RNF146: variants seen among roughly 807,000 people sequenced by gnomAD.
RNF146 encodes the protein E3 ubiquitin-protein ligase RNF146.
Under a neutral mutation model 29.7 loss-of-function variants are expected in RNF146, and 11 were observed. The observed-to-expected ratio is 0.37, with a 90% CI of 0.23 to 0.61. The LOEUF (loss-of-function observed/expected upper bound fraction) is 0.61, where lower values mean the gene tolerates loss of function less well. RNF146 is among the 20% of genes least tolerant of loss of function. The probability of loss-of-function intolerance (pLI) is 0.66; values close to 1 mark genes in which losing one functional copy is unlikely to be tolerated. For synonymous variants in RNF146, 150 were observed against 159.7 expected (o/e 0.94, Z 0.46); for missense variants, 342 against 438.9 (o/e 0.78, Z 1.97).
intron 2 of RNF146, among the ~76,000 whole-genome samples, chr6:127,284,351 A>C (rs551263290): frequency 2.6e-5 from 4 of 151,858 alleles, no homozygotes; most frequent in Admixed American, 2.6e-4. Context: ...TTGTTTTTCC[A>C]AAGTAATGGT....
intron 2 of RNF146, chr6:127,285,906 TCA>T (rs1779455736): frequency 4.2e-6 from 2 of 472,486 alleles, no homozygotes; most frequent in Non-Finnish European, 6.7e-6. Context: ...TTTAGACCCA[TCA>T]GTACTTAGTA....
chr6:127,274,906 C>G (rs1156974534), intron 1 of RNF146, among the ~76,000 whole-genome samples: 1 of 152,020 alleles, frequency 6.6e-6, no homozygotes, highest in African/African-American at 2.4e-5. Context: ...CACTGGACTC[C>G]TGCCTGGTTA....
At chr6:127,279,555 ATTGT>A (rs35268158) in intron 1 of RNF146, among the ~76,000 whole-genome samples, 25,583 of 151,590 alleles carry the variant, frequency 0.17, 2,297 homozygotes, top group Non-Finnish European at 0.18. Context: ...ATTTTTCAAG[ATTGT>A]TTGGGTTACT....
chr6:127,274,557 A>C (rs1490219329), intron 1 of RNF146, among the ~76,000 whole-genome samples: 1 of 152,210 alleles, frequency 6.6e-6, no homozygotes, highest in Non-Finnish European at 1.5e-5. Context: ...CCTTCTACAC[A>C]TCTCAATTAT....
chr6:127,282,706 A>G (rs1779061925), intron 2 of RNF146, among the ~76,000 whole-genome samples: 1 of 151,670 alleles, frequency 6.6e-6, no homozygotes, highest in Non-Finnish European at 1.5e-5. Flanking sequence ...CTCCTCCTGC[A>G]TTACCAAACT....
intron 1 of RNF146, 47 bp from the exon 2 acceptor site, chr6:127,280,184 A>G: frequency 1.4e-6 from 1 of 708,782 alleles, no homozygotes. Context: ...GATTATACAT[A>G]ATTAACTGAT....
intron 1 of RNF146, among the ~76,000 whole-genome samples, chr6:127,268,487 G>C (rs1473595911): frequency 6.6e-6 from 1 of 152,114 alleles, no homozygotes; most frequent in Non-Finnish European, 1.5e-5. Context: ...ACTAAATCTC[G>C]TTTTAAAGAG....
At chr6:127,268,826 C>G (rs1192500084) in intron 1 of RNF146, among the ~76,000 whole-genome samples, 1 of 151,968 alleles carries the variant, frequency 6.6e-6, no homozygotes, top group Non-Finnish European at 1.5e-5. Flanking sequence ...CTCCACCAAC[C>G]TAACTTGTCA....
chr6:127,286,369 C>A lies in RNF146; in HGVS notation c.3-247C>A. 1 of 603,010 alleles carries A rather than the reference C, an allele frequency of 1.7e-6. No individual in the cohort carries two copies. Among genetic ancestry groups the A allele is most frequent in the Non-Finnish European group, 2.7e-6 (1 of 375,308 alleles). 37.4% of individuals were successfully genotyped at this position (603,010 alleles called of 1,614,324 possible). ...TATATAGTTCTTCAGTGTGTTTCTCCAGGGCTGATCTGTTAAGTGCACTGA... is the reference window on the plus strand; with the variant it reads ...TATATAGTTCTTCAGTGTGTTTCTCAAGGGCTGATCTGTTAAGTGCACTGA... On this transcript the variant is annotated intron_variant, in intron 2 of 2. Coordinates refer to ENST00000368314, the MANE Select transcript of RNF146 (RefSeq NM_001242850.2). The surrounding 1 kb of genome is among the most constrained non-coding windows in gnomAD (Gnocchi z 4.6).
Position 127,287,529 on chromosome 6 carries a change from C to T in RNF146, c.916C>T (p.His306Tyr). 2 of 1,613,216 alleles carry T rather than the reference C, an allele frequency of 1.2e-6. No homozygotes were observed. Among genetic ancestry groups the T allele is most frequent in the African/African-American group, 1.3e-5 (1 of 74,908 alleles). The part of the protein sequence containing the change: ...SEDVSAVVAQ[H>Y]SLTQQRLLVS... ...GGATGTATCTGCAGTTGTTGCACAGCACTCCTTGACCCAACAGAGACTTTT... is the reference window on the plus strand; with the variant it reads ...GGATGTATCTGCAGTTGTTGCACAGTACTCCTTGACCCAACAGAGACTTTT... Residue 306 changes from histidine to tyrosine, a missense_variant, in exon 3 of 3, where the codon CAC (histidine) becomes TAC (tyrosine). His to Tyr is a moderately conservative substitution (Grantham distance 83). Coordinates refer to ENST00000368314, the MANE Select transcript of RNF146 (RefSeq NM_001242850.2).
At chr6:127,282,079 A>G (rs1469747596) in intron 2 of RNF146, among the ~76,000 whole-genome samples, 1 of 151,746 alleles carries the variant, frequency 6.6e-6, no homozygotes, top group East Asian at 1.9e-4. Context: ...TAGGAAATCA[A>G]AATAGCTATT....
At chr6:127,266,722 C>G (rs1167796286), upstream of RNF146, 1 of 152,180 alleles carries the variant, frequency 6.6e-6, no homozygotes, top group Non-Finnish European at 1.5e-5. Context: ...AAGAGAGTAC[C>G]GGCAGACAGC....
At chr6:127,270,305 G>C (rs1027399602) in intron 1 of RNF146, among the ~76,000 whole-genome samples, 1 of 152,080 alleles carries the variant, frequency 6.6e-6, no homozygotes, top group Admixed American at 6.6e-5. Flanking sequence ...TAGGGGCAAA[G>C]TATCTAATTT....
At chr6:127,273,418 CTA>C (rs1383997985) in intron 1 of RNF146, among the ~76,000 whole-genome samples, 3 of 152,040 alleles carry the variant, frequency 2.0e-5, no homozygotes, top group Non-Finnish European at 2.9e-5. Flanking sequence ...TATAATTTCT[CTA>C]TATTTTATAA....
At chr6:127,285,939 G>C in intron 2 of RNF146, 1 of 714,544 alleles carries the variant, frequency 1.4e-6, no homozygotes, top group Non-Finnish European at 1.9e-6. Context: ...AACATGGCAG[G>C]TGTTTAGTAA....
In RNF146 at chr6:127,286,627, G is replaced by A. The variant is rs1393084873; in HGVS notation, c.14G>A (p.Cys5Tyr). ...GTATTTTTTCTTAGGATGGCTGGCT[G>A]TGGTGAAATTGATCATTCAATAAAC... MMAGCGEIDHSINML... is the reference protein window; with the variant it reads MMAGYGEIDHSINML... The change falls in exon 3 of 3, where the codon TGT (cysteine) becomes TAT (tyrosine). Residue 5 changes from cysteine (C) to tyrosine (Y), a missense_variant. Transcript: ENST00000368314. The surrounding 1 kb of genome is among the most constrained non-coding windows in gnomAD (Gnocchi z 4.6). 6.2e-7 allele frequency: 1 copy of A among 1,606,556 alleles called. No homozygotes were observed. The highest frequency in any genetic ancestry group is 8.5e-7 in the Non-Finnish European group (1 of 1,176,308).
rs1779808006 is a variant in RNF146, at chr6:127,288,477, T to G, written c.*784T>G. 6.0e-6 allele frequency: 1 copy of G among 166,976 alleles called. No individual in the cohort carries two copies. The allele number at this position is 166,976 out of a possible 1,614,324, so 10.3% of individuals were successfully genotyped here. ...GGTTGTTTTCAGCTTAATCACCTGCTCAGAAAAGTTTGATTTTTTTCTTAG... is the reference window on the plus strand; with the variant it reads ...GGTTGTTTTCAGCTTAATCACCTGCGCAGAAAAGTTTGATTTTTTTCTTAG... On this transcript the variant is annotated 3_prime_UTR_variant, in exon 3 of 3. Coordinates refer to ENST00000368314, the MANE Select transcript of RNF146 (RefSeq NM_001242850.2).
intron 1 of RNF146, among the ~76,000 whole-genome samples, chr6:127,267,257 T>C (rs1392485763): frequency 6.6e-6 from 1 of 151,676 alleles, no homozygotes; most frequent in Non-Finnish European, 1.5e-5. Context: ...GCCCCTGCCC[T>C]GGGTGACGGC....
intron 1 of RNF146, among the ~76,000 whole-genome samples, chr6:127,270,694 T>A (rs535396221): frequency 2.2e-4 from 33 of 152,318 alleles, no homozygotes; most frequent in African/African-American, 7.9e-4. Flanking sequence ...ATACTTTTTT[T>A]TTCTGCCCCT....
Sources: allele counts gnomAD v4.1 joint callset (sites outside exome capture counted in the v4.1 genomes callset), GRCh38; gene constraint gnomAD v4.1.1; non-coding constraint Gnocchi (gnomAD v3.1); transcripts MANE v1.5; gene names NCBI Gene and HGNC (gene_info 2026-07-23, HGNC 2026-07-21).